The following NDRG3 variants were observed in gnomAD, a reference collection of about 807,000 sequenced individuals.
NDRG3 encodes protein NDRG3.
A neutral mutation model predicts 57.2 loss-of-function variants in NDRG3; 23 were observed. That is an observed-to-expected ratio of 0.40 (90% CI 0.29 to 0.57). The LOEUF is 0.57. Among genes scored for constraint, NDRG3 ranks in the 20% least tolerant of loss-of-function variants. The pLI, the probability that NDRG3 is intolerant of heterozygous loss-of-function variation, is 0.42. For synonymous variants in NDRG3, 132 were observed against 162.6 expected, an observed-to-expected ratio of 0.81 and a Z score of 1.43; for missense variants, 384 against 457.3, an observed-to-expected ratio of 0.84 and a Z score of 1.46.
chr20:36,669,996 C>G (rs754425400), intron 9 of NDRG3, among the ~76,000 whole-genome samples: 4 of 152,188 alleles, frequency 2.6e-5, no homozygotes, highest in Non-Finnish European at 4.4e-5. Context: ...AATCTCAAGA[C>G]AGTATGTTAA....
chr20:36,735,314 G>A (rs893327773), intron 1 of NDRG3, among the ~76,000 whole-genome samples: 3 of 152,118 alleles, frequency 2.0e-5, no homozygotes, highest in Non-Finnish European at 4.4e-5. Context: ...TGGAGCACTC[G>A]GATTTTAGAT....
chr20:36,716,199 G>A (rs1984264903), intron 2 of NDRG3, among the ~76,000 whole-genome samples: 1 of 151,898 alleles, frequency 6.6e-6, no homozygotes, highest in African/African-American at 2.4e-5. Context: ...CTTACATGTT[G>A]TGATTAGTAG....
chr20:36,734,693 G>A (rs1296525277), intron 1 of NDRG3, among the ~76,000 whole-genome samples: 3 of 151,878 alleles, frequency 2.0e-5, no homozygotes, highest in African/African-American at 4.8e-5. Context: ...TGTTGTGGGA[G>A]GTCTGTTCTA....
At chr20:36,699,531 C>CT (rs1256444132) in intron 3 of NDRG3, among the ~76,000 whole-genome samples, 1 of 152,180 alleles carries the variant, frequency 6.6e-6, no homozygotes, top group Non-Finnish European at 1.5e-5. Context: ...AACCTGTCTT[C>CT]TGTCAAACTC....
intron 2 of NDRG3, among the ~76,000 whole-genome samples, chr20:36,719,025 A>G (rs1195820525): frequency 1.3e-5 from 2 of 152,102 alleles, no homozygotes; most frequent in South Asian, 2.1e-4. Context: ...CCTAGGCACA[A>G]CATTTTTGGC....
At position 36,665,077 on chromosome 20, in the gene NDRG3, A is replaced by C; in HGVS notation, c.779T>G (p.Val260Gly). 1 of 1,614,160 alleles carries C rather than the reference A, an allele frequency of 6.2e-7. No individual in the cohort carries two copies. The highest frequency in any genetic ancestry group is 8.5e-7 in the Non-Finnish European group (1 of 1,180,004). ...CTCAACTGCAGGCGAATTGTCCCCT[A>C]CCACCAGTAAAGTAGAACACCTAGG... ...KTLKCSTLLV[V>G]GDNSPAVEAV... The change falls in exon 12 of 16, where the codon GTA becomes GGA. Residue 260 changes from valine (V) to glycine (G), a missense_variant. Physicochemically the swap from Val to Gly is moderately radical, Grantham distance 109. Transcript: ENST00000349004.
At chr20:36,740,015 A>G (rs756690860) in intron 1 of NDRG3, among the ~76,000 whole-genome samples, 3 of 152,136 alleles carry the variant, frequency 2.0e-5, no homozygotes, top group Non-Finnish European at 4.4e-5. Context: ...TACTTGATCA[A>G]TTGAAAACCC....
At chr20:36,720,840 G>A (rs973503235) in intron 2 of NDRG3, among the ~76,000 whole-genome samples, 1 of 148,600 alleles carries the variant, frequency 6.7e-6, no homozygotes, top group African/African-American at 2.5e-5. Flanking sequence ...GCGCAGTCTT[G>A]GCTCACTGCA....
At chr20:36,669,056 G>C (rs1014806971) in intron 9 of NDRG3, among the ~76,000 whole-genome samples, 2 of 150,668 alleles carry the variant, frequency 1.3e-5, no homozygotes, top group African/African-American at 4.9e-5. Flanking sequence ...TCTGATTTTT[G>C]AATTTTTTTT....
chr20:36,666,813 G>C (rs1159943379), intron 9 of NDRG3, among the ~76,000 whole-genome samples: 1 of 152,062 alleles, frequency 6.6e-6, no homozygotes, highest in Non-Finnish European at 1.5e-5. Flanking sequence ...AAACCATAAA[G>C]TGTAAAACAA....
chr20:36,667,432 TG>T (rs1366764127), intron 9 of NDRG3, among the ~76,000 whole-genome samples: 2 of 152,074 alleles, frequency 1.3e-5, no homozygotes. Flanking sequence ...CACTCAACTG[TG>T]CCTGGCTCAT....
rs780530936 is a variant in NDRG3, at chr20:36,721,667, A to G, written c.57+12T>C. On this transcript the variant is annotated intron_variant, in intron 2 of 15. Coordinates refer to ENST00000349004, the MANE Select transcript of NDRG3 (RefSeq NM_032013.4). ...CTTGTCCATATTTTAGTGAAAACAGAAAAGTCTTTACCTTATCATTTAGAA... is the reference window on the plus strand; with the variant it reads ...CTTGTCCATATTTTAGTGAAAACAGGAAAGTCTTTACCTTATCATTTAGAA... 3.8e-6 allele frequency: 6 copies of G among 1,558,980 alleles called. No homozygotes were observed. The highest frequency in any genetic ancestry group is 2.2e-5 in the East Asian group (1 of 44,538).
intron 8 of NDRG3, among the ~76,000 whole-genome samples, chr20:36,674,886 A>AT (rs34146274): frequency 0.028 from 1,096 of 39,714 alleles, 161 homozygotes; most frequent in Non-Finnish European, 0.034. Flanking sequence ...GCCCAGCCAG[A>AT]TTTTTTTTTT....
At chr20:36,739,247 G>T (rs1291881335) in intron 1 of NDRG3, among the ~76,000 whole-genome samples, 1 of 146,088 alleles carries the variant, frequency 6.8e-6, no homozygotes, top group East Asian at 2.1e-4. Context: ...AGGAGATCGA[G>T]ACCAGCCTGA....
At chr20:36,677,413 T>A (rs1980845853) in intron 8 of NDRG3, among the ~76,000 whole-genome samples, 3 of 152,216 alleles carry the variant, frequency 2.0e-5, no homozygotes, top group Admixed American at 2.0e-4. Flanking sequence ...CTTCCCGGCC[T>A]GCCCATGGCC....
intron 9 of NDRG3, 90 bp from the exon 10 acceptor site, chr20:36,666,482 A>T: frequency 6.6e-6 from 6 of 911,882 alleles, no homozygotes; most frequent in Non-Finnish European, 1.8e-6. Context: ...CCACAAGCCA[A>T]ATCGTGCGGC....
At chr20:36,689,364 T>C (rs1170148170) in intron 3 of NDRG3, among the ~76,000 whole-genome samples, 1 of 152,102 alleles carries the variant, frequency 6.6e-6, no homozygotes, top group African/African-American at 2.4e-5. Flanking sequence ...TGCAATTGGC[T>C]ATGGAAAGGA....
At chr20:36,672,761 G>A (rs1015253396) in intron 8 of NDRG3, among the ~76,000 whole-genome samples, 1 of 151,830 alleles carries the variant, frequency 6.6e-6, no homozygotes, top group Admixed American at 6.6e-5. Context: ...CCCAGGAGGT[G>A]GAGGTTGCAG....
Position 36,653,916 on chromosome 20 carries a change from T to C in NDRG3, c.947-215A>G, listed in dbSNP as rs760941068. Among the ~76,000 whole-genome samples, 52 of 152,226 alleles carry C rather than the reference T, an allele frequency of 3.4e-4. No homozygotes were observed. Among genetic ancestry groups the C allele is most frequent in the Non-Finnish European group, 7.1e-4 (48 of 68,040 alleles). On this transcript the variant is annotated intron_variant, in intron 15 of 15. Coordinates refer to ENST00000349004, the MANE Select transcript of NDRG3 (RefSeq NM_032013.4). The surrounding 1 kb of genome is among the most constrained non-coding windows in gnomAD (Gnocchi z 4.2). ...CTTTAGATCTGGTTGGAATCTCAGC[T>C]GATTGTAGTCACCGCAGAACAAGGG...
Sources: gnomAD v4.1 joint callset for allele counts (sites outside exome capture counted in the v4.1 genomes callset) on GRCh38, gnomAD v4.1.1 for gene constraint, Gnocchi (gnomAD v3.1) non-coding constraint, MANE v1.5 for transcripts, NCBI Gene and HGNC (gene_info 2026-07-23, HGNC 2026-07-21) for gene names.